The following GDPD5 variants were observed in gnomAD, a reference collection of about 807,000 sequenced individuals.
The protein encoded by GDPD5 is glycerophosphodiester phosphodiesterase 2.
In GDPD5, 48 loss-of-function variants were observed where a neutral mutation model predicts 75.1. That is an observed-to-expected ratio of 0.64 (90% CI 0.51 to 0.81). GDPD5 has a LOEUF of 0.81. Among genes scored for constraint, GDPD5 ranks in the 40% least tolerant of loss-of-function variants. GDPD5 has a pLI of 0.00. For missense variants in GDPD5, 706 were observed against 822.6 expected (o/e 0.86, Z 1.73); for synonymous variants, 336 against 339.0 (o/e 0.99, Z 0.10).
intron 1 of GDPD5, among the ~76,000 whole-genome samples, chr11:75,491,912 C>T (rs146208191): frequency 6.5e-4 from 99 of 152,272 alleles, no homozygotes; most frequent in Admixed American, 1.6e-3. Flanking sequence ...CAAGCCCCTC[C>T]CCCCATTAGA....
chr11:75,494,065 C>G (rs982812512), intron 1 of GDPD5, among the ~76,000 whole-genome samples: 3 of 151,600 alleles, frequency 2.0e-5, no homozygotes, highest in Non-Finnish European at 4.4e-5. Flanking sequence ...TATTTCATGT[C>G]TATTTAAAGA....
intron 1 of GDPD5, among the ~76,000 whole-genome samples, chr11:75,521,015 G>A (rs940452053): frequency 2.6e-5 from 4 of 152,190 alleles, no homozygotes; most frequent in East Asian, 3.9e-4. Context: ...ACAGCTGCCC[G>A]TCATACCACA....
At position 75,444,495 on chromosome 11, in the gene GDPD5, G is replaced by C. The variant is rs1220368173; in HGVS notation, c.715C>G (p.Leu239Val). ...GACATGAGCGTGTGCTCTGGAGCCAGCTGGGGAAGAAGGGGTGGTGAAGGG... is the reference window on the plus strand; with the variant it reads ...GACATGAGCGTGTGCTCTGGAGCCACCTGGGGAAGAAGGGGTGGTGAAGGG... ...ALIGHRGAPMLAPEHTLMSFR... is the reference protein window; with the variant it reads ...ALIGHRGAPMVAPEHTLMSFR... Residue 239 changes from leucine to valine, a missense_variant and splice_region_variant, in exon 10 of 17, where the codon CTG becomes GTG. By Grantham distance (32) the Leu-to-Val change is conservative. Transcript: ENST00000336898. The C allele has an allele frequency of 6.2e-7, 1 of 1,612,692 alleles. No homozygotes were observed. Among genetic ancestry groups the C allele is most frequent in the Non-Finnish European group, 8.5e-7 (1 of 1,179,036 alleles).
At chr11:75,493,227 T>TCACACACACACACACA (rs780201140) in intron 1 of GDPD5, among the ~76,000 whole-genome samples, 1 of 63,258 alleles carries the variant, frequency 1.6e-5, no homozygotes, top group African/African-American at 5.3e-5. Context: ...CCCCCACACA[T>TCACACACACACACACA]CTCACACACA....
chr11:75,519,378 T>C (rs1390700744), intron 1 of GDPD5, among the ~76,000 whole-genome samples: 1 of 152,178 alleles, frequency 6.6e-6, no homozygotes, highest in African/African-American at 2.4e-5. Context: ...ACATTCTGTG[T>C]TGTCACTGCT....
Position 75,488,923 on chromosome 11 carries a change from G to A in GDPD5, c.-61+1314C>T, listed in dbSNP as rs535378419. Among the ~76,000 whole-genome samples, 4 of 152,298 alleles carry A rather than the reference G, an allele frequency of 2.6e-5. No homozygotes were observed. In the East Asian group the frequency reaches 7.7e-4, roughly 29 times the overall value. On this transcript the variant is annotated intron_variant, in intron 2 of 16. Coordinates refer to ENST00000336898, the MANE Select transcript of GDPD5 (RefSeq NM_030792.8). ...TGTCTGCAGCCCCACACCTGGTGAT[G>A]GGGACACAAGATATGCCAGGCCCTG... is the stretch of plus-strand genomic sequence containing the variant.
intron 1 of GDPD5, among the ~76,000 whole-genome samples, chr11:75,491,862 C>G (rs1351356623): frequency 6.6e-6 from 1 of 152,164 alleles, no homozygotes; most frequent in African/African-American, 2.4e-5. Context: ...AGCCAGAATT[C>G]AAGCTCAAAC....
chr11:75,459,672 T>C (rs1193992827), intron 4 of GDPD5, among the ~76,000 whole-genome samples: 1 of 151,116 alleles, frequency 6.6e-6, no homozygotes, highest in African/African-American at 2.4e-5. Context: ...TAGCCAGGAG[T>C]GGTGGCAGAC....
At chr11:75,515,202 G>A (rs1010562247) in intron 1 of GDPD5, among the ~76,000 whole-genome samples, 10 of 152,234 alleles carry the variant, frequency 6.6e-5, no homozygotes, top group Non-Finnish European at 1.2e-4. Context: ...GGGAGTGCTC[G>A]CTGGCAGCCA....
chr11:75,511,188 T>A (rs1016304256), intron 1 of GDPD5, among the ~76,000 whole-genome samples: 1 of 152,230 alleles, frequency 6.6e-6, no homozygotes. Flanking sequence ...AGTTCCACCA[T>A]TATCACTGAA....
chr11:75,462,494 G>A (rs2135295247), intron 4 of GDPD5, among the ~76,000 whole-genome samples: 1 of 152,322 alleles, frequency 6.6e-6, no homozygotes, highest in South Asian at 2.1e-4. Flanking sequence ...TCCCCTCGGG[G>A]CATGGATCTC....
At chr11:75,490,204 A>G (rs1297796505) in intron 2 of GDPD5, 33 bp downstream of exon 2, 2 of 151,920 alleles carry the variant, frequency 1.3e-5, no homozygotes, top group Non-Finnish European at 2.9e-5. Context: ...GTCTGTCTTG[A>G]ACTCCTTTCT....
chr11:75,449,550 C>CGTGG lies in GDPD5; in HGVS notation c.534_535insCCAC (p.Val179ProfsTer85), dbSNP rs1949079451. On this transcript the variant is annotated frameshift_variant, in exon 8 of 17. Coordinates refer to ENST00000336898, the MANE Select transcript of GDPD5 (RefSeq NM_030792.8). LOFTEE classifies it high-confidence loss of function. Reference sequence around the variant, plus strand: ...TCTGCGCGGGCGAACTGTCCTGCCACGATCCAGGAGAGCATGGTGACTGCT... The same window carrying CGTGG: ...TCTGCGCGGGCGAACTGTCCTGCCACGTGGGATCCAGGAGAGCATGGTGACTGCT... The CGTGG allele has an allele frequency of 6.3e-7, 1 of 1,587,538 alleles. No homozygotes were observed. Among genetic ancestry groups the CGTGG allele is most frequent in the Non-Finnish European group, 8.6e-7 (1 of 1,167,414 alleles).
chr11:75,478,119 C>A (rs924447532), intron 2 of GDPD5, among the ~76,000 whole-genome samples: 1 of 152,210 alleles, frequency 6.6e-6, no homozygotes, highest in Non-Finnish European at 1.5e-5. Context: ...CCTTCTCTTT[C>A]CCCTCCTCTC....
At chr11:75,461,951 C>T (rs189984256) in intron 4 of GDPD5, among the ~76,000 whole-genome samples, 1 of 152,266 alleles carries the variant, frequency 6.6e-6, no homozygotes, top group Admixed American at 6.5e-5. Context: ...GATGGAATGG[C>T]GAAGAGGAAA....
chr11:75,449,414 C>A, intron 8 of GDPD5, 103 bp downstream of exon 8: 1 of 1,227,028 alleles, frequency 8.1e-7, no homozygotes, highest in Admixed American at 2.1e-5. Context: ...GGGCCCCACC[C>A]CATCCCCAGG....
intron 1 of GDPD5, among the ~76,000 whole-genome samples, chr11:75,506,062 G>C (rs1950391152): frequency 1.3e-5 from 2 of 152,138 alleles, no homozygotes; most frequent in African/African-American, 4.8e-5. Flanking sequence ...TGCATCATGG[G>C]GATAAGGACC....
chr11:75,477,254 C>T (rs1207820776), intron 3 of GDPD5, among the ~76,000 whole-genome samples: 1 of 152,214 alleles, frequency 6.6e-6, no homozygotes, highest in Non-Finnish European at 1.5e-5. Flanking sequence ...TGGCCAGGCC[C>T]ATCTCCTCAC....
intron 1 of GDPD5, among the ~76,000 whole-genome samples, chr11:75,510,447 T>G (rs1348759074): frequency 6.6e-6 from 1 of 152,168 alleles, no homozygotes; most frequent in Non-Finnish European, 1.5e-5. Flanking sequence ...CCTCATCAGG[T>G]AAGCACCCAC....
Sources: allele counts gnomAD v4.1 joint callset (sites outside exome capture counted in the v4.1 genomes callset), GRCh38; gene constraint gnomAD v4.1.1; transcripts MANE v1.5; gene names NCBI Gene and HGNC (gene_info 2026-07-23, HGNC 2026-07-21).